GLRB: variants seen among roughly 807,000 people sequenced by gnomAD.
GLRB encodes the protein glycine receptor subunit beta.
GLRB carries 33 observed loss-of-function variants against 54.2 expected under a neutral mutation model. That is an observed-to-expected ratio of 0.61 (90% confidence interval 0.46 to 0.81). GLRB has a LOEUF of 0.81. Ranked by LOEUF, GLRB falls within the 40% of genes least tolerant of loss-of-function variation. The pLI, the probability that GLRB is intolerant of heterozygous loss-of-function variation, is 0.00. For synonymous variants in GLRB, 209 were observed against 208.2 expected (o/e 1.00, Z -0.03); for missense variants, 572 against 584.6 (o/e 0.98, Z 0.22).
intron 2 of GLRB, among the ~76,000 whole-genome samples, chr4:157,083,958 A>C (rs1055474286): frequency 3.9e-5 from 6 of 152,168 alleles, no homozygotes; most frequent in African/African-American, 1.4e-4. Flanking sequence ...CAGGATAACA[A>C]ATATAATGAT....
intron 4 of GLRB, among the ~76,000 whole-genome samples, chr4:157,134,986 C>T (rs1358556553): frequency 9.2e-5 from 14 of 152,010 alleles, no homozygotes; most frequent in Non-Finnish European, 1.5e-5. Flanking sequence ...ATAGTGTAAA[C>T]TCTGAGGATT....
chr4:157,097,512 C>T (rs993624262), intron 2 of GLRB, among the ~76,000 whole-genome samples: 1 of 152,126 alleles, frequency 6.6e-6, no homozygotes, highest in African/African-American at 2.4e-5. Flanking sequence ...TTATAAATTA[C>T]AAAATTTGTT....
chr4:157,136,303 A>G (rs918937398), intron 4 of GLRB, 166 bp from the exon 5 acceptor site: 1 of 621,592 alleles, frequency 1.6e-6, no homozygotes, highest in Non-Finnish European at 2.9e-6. Flanking sequence ...TTATACTGCT[A>G]ATGGAGCTCT....
At chr4:157,083,421 G>A (rs1579181125) in intron 2 of GLRB, among the ~76,000 whole-genome samples, 2 of 152,186 alleles carry the variant, frequency 1.3e-5, no homozygotes, top group East Asian at 1.9e-4. Flanking sequence ...CTGCCTAGAT[G>A]TAATTGATTA....
intron 3 of GLRB, among the ~76,000 whole-genome samples, chr4:157,122,063 T>C (rs1735842217): frequency 6.7e-6 from 1 of 149,844 alleles, no homozygotes; most frequent in Non-Finnish European, 1.5e-5. Flanking sequence ...TTTTACAGAG[T>C]CTCTACAATT....
At chr4:157,151,362 A>T (rs886528155) in intron 8 of GLRB, among the ~76,000 whole-genome samples, 1 of 152,062 alleles carries the variant, frequency 6.6e-6, no homozygotes, top group Non-Finnish European at 1.5e-5. Context: ...TTGGATTTTT[A>T]TGTTACTTTC....
intron 2 of GLRB, among the ~76,000 whole-genome samples, chr4:157,108,844 C>A (rs960658857): frequency 6.6e-6 from 1 of 152,018 alleles, no homozygotes; most frequent in African/African-American, 2.4e-5. Context: ...GTCCATTGAT[C>A]TAGCAAACTT....
chr4:157,103,810 A>G (rs1735125083), intron 2 of GLRB, among the ~76,000 whole-genome samples: 1 of 152,042 alleles, frequency 6.6e-6, no homozygotes, highest in Non-Finnish European at 1.5e-5. Flanking sequence ...GGTATTACAA[A>G]CGGAATTATT....
At chr4:157,108,136 T>A (rs1735289803) in intron 2 of GLRB, among the ~76,000 whole-genome samples, 2 of 152,212 alleles carry the variant, frequency 1.3e-5, no homozygotes, top group Admixed American at 1.3e-4. Context: ...ATGCACCTGG[T>A]CACCCAAGAG....
In GLRB at chr4:157,136,890, C is replaced by G; in HGVS notation, c.610+4C>G. ...TGCAAGATGCAACTGGAGAGCTGTACGTAAATGAGAACATAATTGATTATG... is the reference window on the plus strand; with the variant it reads ...TGCAAGATGCAACTGGAGAGCTGTAGGTAAATGAGAACATAATTGATTATG... On this transcript the variant is annotated splice_donor_region_variant and intron_variant, in intron 6 of 9. Coordinates refer to ENST00000264428, the MANE Select transcript of GLRB (RefSeq NM_000824.5). 1 of 1,530,646 alleles carries G rather than the reference C, an allele frequency of 6.5e-7. No individual in the cohort carries two copies. Among genetic ancestry groups the G allele is most frequent in the African/African-American group, 1.4e-5 (1 of 73,288 alleles). 94.8% of individuals were successfully genotyped at this position (1,530,646 alleles called of 1,614,324 possible).
chr4:157,142,811 T>C (rs1467342288), intron 7 of GLRB, among the ~76,000 whole-genome samples: 2 of 152,216 alleles, frequency 1.3e-5, no homozygotes, highest in Non-Finnish European at 2.9e-5. Context: ...TATTTTGCTA[T>C]TTATGCACAA....
At chr4:157,106,209 A>C (rs1345582995) in intron 2 of GLRB, among the ~76,000 whole-genome samples, 1 of 151,976 alleles carries the variant, frequency 6.6e-6, no homozygotes, top group Admixed American at 6.6e-5. Flanking sequence ...AGCTCTTTGA[A>C]TGTATTATCC....
In GLRB at chr4:157,138,862, C is replaced by A; in HGVS notation, c.664C>A (p.Gln222Lys). Residue 222 changes from glutamine (Q) to lysine (K), a missense_variant, in exon 7 of 10, where the codon CAA becomes AAA. Physicochemically the swap from Gln to Lys is moderately conservative, Grantham distance 53. Coordinates refer to ENST00000264428, the MANE Select transcript of GLRB (RefSeq NM_000824.5). ...TATCTGGCAGTCAGGAGATCCTGTG[C>A]AATTAGAAAAAATTGCCTTGCCTCA... ...RFIWQSGDPV[Q>K]LEKIALPQFD... 6.4e-7 allele frequency: 1 copy of A among 1,558,434 alleles called. No individual in the cohort carries two copies. Among genetic ancestry groups the A allele is most frequent in the Non-Finnish European group, 8.8e-7 (1 of 1,130,414 alleles).
chr4:157,139,080 A>G, intron 7 of GLRB, 131 bp downstream of exon 7: 1 of 586,488 alleles, frequency 1.7e-6, no homozygotes, highest in Non-Finnish European at 3.1e-6. Context: ...TTATCTTTAC[A>G]TTCATATGTT....
rs758174882 is a variant in GLRB at position 157,170,426 on chromosome 4, TC to T, written c.1198-5del. On this transcript the variant is annotated splice_region_variant and splice_polypyrimidine_tract_variant and intron_variant, in intron 9 of 9. Transcript: ENST00000264428. ...TAAATACATTGTCTTCAATATTTAT[TC>T]TTAGGTTGGTGAGACCAGATGCAAA... 25 of 1,534,412 alleles carry T rather than the reference TC, an allele frequency of 1.6e-5. No individual in the cohort carries two copies. Among genetic ancestry groups the T allele is most frequent in the Non-Finnish European group, 2.1e-5 (23 of 1,107,828 alleles).
intron 4 of GLRB, among the ~76,000 whole-genome samples, chr4:157,122,677 C>T (rs1735875256): frequency 6.6e-6 from 1 of 151,688 alleles, no homozygotes; most frequent in African/African-American, 2.4e-5. Flanking sequence ...GGAGAAAGCG[C>T]TTATGCCATG....
At chr4:157,166,849 A>G (rs1306076632) in intron 9 of GLRB, among the ~76,000 whole-genome samples, 1 of 152,096 alleles carries the variant, frequency 6.6e-6, no homozygotes, top group Non-Finnish European at 1.5e-5. Flanking sequence ...TTCTATATCT[A>G]TAGTTTGAAT....
At chr4:157,162,060 T>G (rs930311373) in intron 9 of GLRB, among the ~76,000 whole-genome samples, 3 of 152,216 alleles carry the variant, frequency 2.0e-5, no homozygotes, top group Non-Finnish European at 4.4e-5. Context: ...AAACTTCTCT[T>G]CTCGCTTCAT....
chr4:157,094,066 T>G (rs951568343), intron 2 of GLRB, among the ~76,000 whole-genome samples: 3 of 152,228 alleles, frequency 2.0e-5, no homozygotes, highest in Non-Finnish European at 4.4e-5. Context: ...CAAGTTTTTT[T>G]GGGCATTTAT....
Sources: gnomAD v4.1 joint callset for allele counts (sites outside exome capture counted in the v4.1 genomes callset) on GRCh38, gnomAD v4.1.1 for gene constraint, MANE v1.5 for transcripts, NCBI Gene and HGNC (gene_info 2026-07-23, HGNC 2026-07-21) for gene names.